Variants in FOXRED2 observed in about 807,000 individuals in gnomAD.
The protein encoded by FOXRED2 is FAD dependent oxidoreductase domain containing 2.
In FOXRED2, 32 loss-of-function variants were observed where a neutral mutation model predicts 52.5. The ratio of observed to expected loss-of-function variants is 0.61; its 90% confidence interval spans 0.46 to 0.82. The LOEUF (loss-of-function observed/expected upper bound fraction) is 0.82. FOXRED2 is among the 40% of genes least tolerant of loss of function. The pLI, the probability that FOXRED2 is intolerant of heterozygous loss-of-function variation, is 0.00. For missense variants in FOXRED2, 848 were observed against 937.5 expected (o/e 0.90, Z 1.25); for synonymous variants, 405 against 398.1 (o/e 1.02, Z -0.21).
At position 36,504,334 on chromosome 22, in the gene FOXRED2, C is replaced by T. The variant is rs1036520702; in HGVS notation, c.813G>A (p.Gln271=). Residue 271 remains glutamine, a synonymous_variant, in exon 4 of 9, where the codon CAG becomes CAA. Coordinates refer to ENST00000397224, the MANE Select transcript of FOXRED2 (RefSeq NM_001102371.2). Reference sequence around the variant, plus strand: ...CGAGCAGCCCGTCCAGGGACTTGAGCTGGTAGGTATCCAGCAGGCCATTGT... The same window carrying T: ...CGAGCAGCCCGTCCAGGGACTTGAGTTGGTAGGTATCCAGCAGGCCATTGT... The part of the protein sequence containing the change: ...AINNGLLDTY[Q]LKSLDGLLES... 1 of 1,614,110 alleles carries T rather than the reference C, an allele frequency of 6.2e-7. No individual in the cohort carries two copies. The highest frequency in any genetic ancestry group is 8.5e-7 in the Non-Finnish European group (1 of 1,180,038).
chr22:36,500,581 AC>A (rs1431222024), intron 5 of FOXRED2, among the ~76,000 whole-genome samples: 1 of 129,280 alleles, frequency 7.7e-6, no homozygotes, highest in African/African-American at 2.8e-5. Context: ...TAATCCAATT[AC>A]ATTTTTTTTT....
chr22:36,493,390 G>C (rs1379993255), intron 8 of FOXRED2, among the ~76,000 whole-genome samples: 2 of 150,408 alleles, frequency 1.3e-5, no homozygotes, highest in Non-Finnish European at 2.9e-5. Context: ...AGTGAGCTGA[G>C]ATTGCGCCAC....
At chr22:36,499,443 T>C (rs889811706) in intron 5 of FOXRED2, among the ~76,000 whole-genome samples, 61 of 152,020 alleles carry the variant, frequency 4.0e-4, no homozygotes, top group African/African-American at 1.4e-3. Context: ...TGGCGAAAAC[T>C]TGTCTCTACC....
At chr22:36,494,001 G>A (rs1933828604) in intron 7 of FOXRED2, among the ~76,000 whole-genome samples, 198 bp from the exon 8 acceptor site, 1 of 152,246 alleles carries the variant, frequency 6.6e-6, no homozygotes, top group African/African-American at 2.4e-5. Context: ...CTGCCATGAG[G>A]AAGAGGAACT....
chr22:36,490,928 G>A (rs868667683), intron 8 of FOXRED2, among the ~76,000 whole-genome samples: 5 of 152,216 alleles, frequency 3.3e-5, no homozygotes, highest in Admixed American at 6.5e-5. Context: ...GGCCGAGGCC[G>A]GTGGATCGCC....
chr22:36,493,252 A>G (rs1933803186), intron 8 of FOXRED2, among the ~76,000 whole-genome samples: 2 of 152,204 alleles, frequency 1.3e-5, no homozygotes, highest in African/African-American at 4.8e-5. Flanking sequence ...AGCCTGGCCA[A>G]TATGGTGAAA....
At position 36,490,125 on chromosome 22, in the gene FOXRED2, G is replaced by C; in HGVS notation, c.1938C>G (p.Pro646=). ...VESRLLRDYA[P]TGRRLEDSSQ... is the part of the protein sequence containing the mutation. ...TGCTGTCCTCCAGGCGCCTGCCTGT[G>C]GGGGCATAGTCCCGCAGGAGCCTGC... is the stretch of plus-strand genomic sequence containing the variant. Residue 646 remains proline (P), a synonymous_variant, in exon 9 of 9, where the codon CCC becomes CCG. Coordinates refer to ENST00000397224, the MANE Select transcript of FOXRED2 (RefSeq NM_001102371.2). The C allele has an allele frequency of 6.2e-7, 1 of 1,614,040 alleles. No individual in the cohort carries two copies. The highest frequency in any genetic ancestry group is 8.5e-7 in the Non-Finnish European group (1 of 1,179,894).
rs2145851305 is a variant in FOXRED2, at chr22:36,499,751, C to A, written c.1216+1490G>T. ...CTCACTGAGTGAATTTCAACCAACA[C>A]CCTGTCCTTCTCAGAAGGTTAACCA... On this transcript the variant is annotated intron_variant, in intron 5 of 8. Transcript: ENST00000397224. Among the ~76,000 whole-genome samples the A allele has an allele frequency of 2.0e-5, 3 of 152,258 alleles. No homozygotes were observed. In the South Asian group the frequency reaches 6.2e-4, roughly 32 times the overall value.
At position 36,496,121 on chromosome 22, in the gene FOXRED2, G is replaced by A. The variant is rs113645261; in HGVS notation, c.1470C>T (p.His490=). ...LETLTGRKAK[H]GLFVINMEYG... is the part of the protein sequence containing the mutation. The stretch of plus-strand genomic sequence containing the variant: ...ATTCCATGTTGATGACGAAGAGCCC[G>A]TGCTTTGCCTTCCTCCCTGTGAGTG... Residue 490 remains histidine (H), a synonymous_variant, in exon 7 of 9, where the codon CAC becomes CAT. Coordinates refer to ENST00000397224, the MANE Select transcript of FOXRED2 (RefSeq NM_001102371.2). 14,409 of 1,614,188 alleles carry A rather than the reference G, an allele frequency of 8.9e-3. 84 individuals are homozygous for A. Among genetic ancestry groups the A allele is most frequent in the Non-Finnish European group, 0.011 (12,761 of 1,180,044 alleles).
chr22:36,506,479 G>T (rs1264935121), intron 1 of FOXRED2, 56 bp from the exon 2 acceptor site: 4 of 1,405,452 alleles, frequency 2.8e-6, no homozygotes, highest in African/African-American at 2.9e-5. Context: ...TGGGAGACAC[G>T]AGGCCCAGAA....
intron 6 of FOXRED2, 38 bp from the exon 7 acceptor site, chr22:36,496,246 G>A (rs1603494128): frequency 1.2e-6 from 2 of 1,610,724 alleles, no homozygotes. Context: ...CCTCAGTGCT[G>A]TGGCAGAGGT....
Position 36,506,112 on chromosome 22 carries a change from C to T in FOXRED2, c.311G>A (p.Ser104Asn). 1 of 1,614,240 alleles carries T rather than the reference C, an allele frequency of 6.2e-7. No homozygotes were observed. Among genetic ancestry groups the T allele is most frequent in the Non-Finnish European group, 8.5e-7 (1 of 1,180,034 alleles). Residue 104 changes from serine to asparagine, a missense_variant, in exon 2 of 9, where the codon AGC becomes AAC. Transcript: ENST00000397224. ...TCTGAAGAGCAGCCGGGGGTCGTGG[C>T]TGAGCAGAGAGTTCCAGTCGTGGCG... ...NLRHDWNSLLSHDPRLLFRHY... is the reference protein window; with the variant it reads ...NLRHDWNSLLNHDPRLLFRHY...
chr22:36,500,061 A>G (rs938941245), intron 5 of FOXRED2, among the ~76,000 whole-genome samples: 3 of 152,170 alleles, frequency 2.0e-5, no homozygotes, highest in African/African-American at 7.2e-5. Flanking sequence ...TCAGTCTACC[A>G]AAGTGCTGGG....
In FOXRED2 at chr22:36,505,566, C is replaced by T. The variant is rs956104529; in HGVS notation, c.527+330G>A. Among the ~76,000 whole-genome samples, 123 of 151,958 alleles carry T rather than the reference C, an allele frequency of 8.1e-4. 1 individual carries two copies. Among genetic ancestry groups the T allele is most frequent in the African/African-American group, 9.7e-5 (4 of 41,340 alleles). On this transcript the variant is annotated intron_variant, in intron 2 of 8. Coordinates refer to ENST00000397224, the MANE Select transcript of FOXRED2 (RefSeq NM_001102371.2). ...GGTGGATCTCCTGAGGTCAGGAGTT[C>T]GAGACCAGCCTGGCCAACGTCGTGA...
At position 36,493,724 on chromosome 22, in the gene FOXRED2, TAAG is replaced by T; in HGVS notation, c.1701_1703del (p.Phe567del). 3 of 1,614,172 alleles carry T rather than the reference TAAG, an allele frequency of 1.9e-6. No homozygotes were observed. Among genetic ancestry groups the T allele is most frequent in the Non-Finnish European group, 2.5e-6 (3 of 1,179,992 alleles). On this transcript the variant is annotated inframe_deletion, in exon 8 of 9. Transcript: ENST00000397224. ...GCCCGATCGGGGCAGTCCAGTCTGT[TAAG>T]AAGTCTTCCACGATGTGATGGATGG...
At chr22:36,493,518 AG>A in intron 8 of FOXRED2, 114 bp downstream of exon 8, 1 of 769,842 alleles carries the variant, frequency 1.3e-6, no homozygotes, top group South Asian at 1.9e-5. Context: ...CGGGAACAGT[AG>A]TCTGGGGTTT....
chr22:36,491,565 G>C (rs1462336019), intron 8 of FOXRED2, among the ~76,000 whole-genome samples: 1 of 152,050 alleles, frequency 6.6e-6, no homozygotes, highest in Non-Finnish European at 1.5e-5. Flanking sequence ...ACCACGCTCA[G>C]CTAATTTTTG....
Position 36,504,180 on chromosome 22 carries a change from T to C in FOXRED2, c.967A>G (p.Asn323Asp). 2 of 1,614,178 alleles carry C rather than the reference T, an allele frequency of 1.2e-6. No individual in the cohort carries two copies. Among genetic ancestry groups the C allele is most frequent in the Non-Finnish European group, 1.7e-6 (2 of 1,180,020 alleles). Residue 323 changes from asparagine to aspartate, a missense_variant, in exon 4 of 9, where the codon AAT (asparagine) becomes GAT (aspartate). Physicochemically the swap from Asn to Asp is conservative, Grantham distance 23. Coordinates refer to ENST00000397224, the MANE Select transcript of FOXRED2 (RefSeq NM_001102371.2). ...GGCACGCGCATGGCAAAGTTGTCAT[T>C]GTCGTCCTGGGGGAGGGTGATGGAG... ...ADSITLPQDD[N>D]DNFAMRVPYD... is the part of the protein sequence containing the mutation.
In FOXRED2 at chr22:36,504,604, C is replaced by T. The variant is rs1568992763; in HGVS notation, c.690G>A (p.Glu230=). ...TAAAGTTTGTGACACCCAAGATGTT[C>T]TCTGCTGTCTCAAAGGCCGAGTTCC... The part of the protein sequence containing the change: ...GRGNSAFETA[E]NILGVTNFIH... Residue 230 remains glutamate, a synonymous_variant, in exon 3 of 9, where the codon GAG becomes GAA. Transcript: ENST00000397224. 1.9e-6 allele frequency: 3 copies of T among 1,614,202 alleles called. No individual in the cohort carries two copies. The highest frequency in any genetic ancestry group is 1.7e-6 in the Non-Finnish European group (2 of 1,180,040).
Sources: gnomAD v4.1 joint callset for allele counts (sites outside exome capture counted in the v4.1 genomes callset) on GRCh38, gnomAD v4.1.1 for gene constraint, MANE v1.5 for transcripts, NCBI Gene and HGNC (gene_info 2026-07-23, HGNC 2026-07-21) for gene names.